Variants in BCAS3 observed in about 807,000 individuals in gnomAD.
The protein encoded by BCAS3 is BCAS4/BCAS3 fusion.
Under a neutral mutation model 116.1 loss-of-function variants are expected in BCAS3, and 53 were observed. The ratio of observed to expected loss-of-function variants is 0.46; its 90% CI spans 0.37 to 0.57. The LOEUF is 0.57. BCAS3 is among the 20% of genes least tolerant of loss of function. BCAS3 has a pLI of 0.00. For missense variants in BCAS3, 917 were observed against 1,165.4 expected, an observed-to-expected ratio of 0.79 and a Z score of 3.10; for synonymous variants, 391 against 408.2, an observed-to-expected ratio of 0.96 and a Z score of 0.51.
rs545906022 is a variant in BCAS3, at chr17:61,369,384, C to T, written c.2593+890C>T. Among the ~76,000 whole-genome samples, 10 of 152,274 alleles carry T rather than the reference C, an allele frequency of 6.6e-5. No homozygotes were observed. The South Asian group carries it at 8.3e-4, about 13-fold the overall frequency. On this transcript the variant is annotated intron_variant, in intron 23 of 23. Coordinates refer to ENST00000407086, the MANE Select transcript of BCAS3 (RefSeq NM_017679.5). Reference sequence around the variant, plus strand: ...TCTGTCACTCTGCTGTGCACTGCTCCGTTCCCGTTCCACATGCCTCCCTGC... The same window carrying T: ...TCTGTCACTCTGCTGTGCACTGCTCTGTTCCCGTTCCACATGCCTCCCTGC...
At chr17:60,682,154 A>C (rs2033256325) in intron 2 of BCAS3, among the ~76,000 whole-genome samples, 1 of 152,226 alleles carries the variant, frequency 6.6e-6, no homozygotes, top group Non-Finnish European at 1.5e-5. Context: ...AGAGTGACAA[A>C]GGAGAATACA....
At position 60,709,338 on chromosome 17, in the gene BCAS3, G is replaced by GT. The variant is rs753724841; in HGVS notation, c.321+14dup. 5 of 1,432,346 alleles carry GT rather than the reference G, an allele frequency of 3.5e-6. No homozygotes were observed. In the Admixed American group the frequency reaches 8.7e-5, roughly 25 times the overall value. The allele number at this position is 1,432,346 out of a possible 1,614,324, so 88.7% of individuals were successfully genotyped here. A position where few individuals can be genotyped will look rare whatever the true frequency, so the allele number is the denominator to read the frequency against. The stretch of plus-strand genomic sequence containing the variant: ...CTGGAGCATCCCTGTAAGTACACAT[G>GT]TGGTTGAATACCTAAAACATACTTC... On this transcript the variant is annotated intron_variant, in intron 5 of 23. Transcript: ENST00000407086.
chr17:60,779,184 CACCCCCAAATAAA>C (rs2045568237), intron 6 of BCAS3, among the ~76,000 whole-genome samples: 1 of 151,976 alleles, frequency 6.6e-6, no homozygotes, highest in Non-Finnish European at 1.5e-5. Context: ...CTGCTCTCCC[CACCCCCAAATAAA>C]ACCCCCAAAA....
chr17:61,125,583 A>T (rs917975826), intron 22 of BCAS3, among the ~76,000 whole-genome samples: 1 of 152,198 alleles, frequency 6.6e-6, no homozygotes, highest in Admixed American at 6.5e-5. Flanking sequence ...TTGTGTAATT[A>T]TCAATAATCT....
intron 7 of BCAS3, among the ~76,000 whole-genome samples, chr17:60,836,102 T>C (rs2051350199): frequency 1.3e-5 from 2 of 152,130 alleles, no homozygotes; most frequent in Admixed American, 1.3e-4. Context: ...CCTGCCCGCA[T>C]ACATTTATAG....
intron 22 of BCAS3, among the ~76,000 whole-genome samples, chr17:61,340,997 G>A (rs941479807): frequency 2.6e-5 from 4 of 152,164 alleles, no homozygotes; most frequent in Non-Finnish European, 4.4e-5. Context: ...GGAGAAGGGC[G>A]CTGGAAGGGA....
At chr17:61,011,825 G>A (rs541549163) in intron 15 of BCAS3, among the ~76,000 whole-genome samples, 1 of 152,182 alleles carries the variant, frequency 6.6e-6, no homozygotes, top group African/African-American at 2.4e-5. Context: ...GGTCCTGGAA[G>A]AAAGGATTGT....
rs2065880603 is a variant in BCAS3, at chr17:61,021,591, G to T, written c.1637+5690G>T. 6.6e-6 allele frequency among the ~76,000 whole-genome samples: 1 copy of T among 152,104 alleles called. No individual in the cohort carries two copies. The highest frequency in any genetic ancestry group is 2.4e-5 in the African/African-American group (1 of 41,412). On this transcript the variant is annotated intron_variant, in intron 16 of 23. Transcript: ENST00000407086. This position sits in a 1 kb window ranked among gnomAD's most constrained non-coding sequence, Gnocchi z 4.6. ...ATTATAATCTTTTAATCCTTATCAT[G>T]TATGAGTTTCTACCAGTTCTTTGGT... is the stretch of plus-strand genomic sequence containing the variant.
rs1182475386 is a variant in BCAS3 at position 61,045,823 on chromosome 17, T to TTCTCTCTCTCTCTCTC, written c.2029+4943_2029+4958dup. On this transcript the variant is annotated intron_variant, in intron 19 of 23. Coordinates refer to ENST00000407086, the MANE Select transcript of BCAS3 (RefSeq NM_017679.5). ...AGAGTGAGTGAGACTTCATCTCTCTTTCTCTCTCTCTCTCTCTCTCTCTCT... is the reference window on the plus strand; with the variant it reads ...AGAGTGAGTGAGACTTCATCTCTCTTTCTCTCTCTCTCTCTCTCTCTCTCTCTCTCTCTCTCTCTCT... 7.3e-3 allele frequency among the ~76,000 whole-genome samples: 251 copies of TTCTCTCTCTCTCTCTC among 34,594 alleles called. 6 individuals are homozygous for TTCTCTCTCTCTCTCTC. The highest frequency in any genetic ancestry group is 0.022 in the African/African-American group (83 of 3,848). The allele number at this position is 34,594 out of a possible 152,430, so 22.7% of individuals were successfully genotyped here. A position where few individuals can be genotyped will look rare whatever the true frequency, so the allele number is the denominator to read the frequency against.
rs1247315466 is a variant in BCAS3, at chr17:61,282,904, C to T, written c.2426-85423C>T. Among the ~76,000 whole-genome samples the T allele has an allele frequency of 2.0e-5, 3 of 149,858 alleles. No homozygotes were observed. The highest frequency in any genetic ancestry group is 4.4e-5 in the Non-Finnish European group (3 of 67,842). On this transcript the variant is annotated intron_variant, in intron 22 of 23. Coordinates refer to ENST00000407086, the MANE Select transcript of BCAS3 (RefSeq NM_017679.5). This position sits in a 1 kb window ranked among gnomAD's most constrained non-coding sequence, Gnocchi z 5.9. ...GAGTTTTAGTGAAGGGGAGAAATCA[C>T]AGTAAAAATATATATTTTCAATATA...
intron 7 of BCAS3, among the ~76,000 whole-genome samples, chr17:60,814,302 T>TGCACGCGCGC (rs58998607): frequency 2.9e-5 from 4 of 138,752 alleles, no homozygotes; most frequent in Non-Finnish European, 6.2e-5. Flanking sequence ...TGTGTGTGTG[T>TGCACGCGCGC]GTGTGCGCGC....
At chr17:61,351,053 G>T (rs1602960639) in intron 22 of BCAS3, among the ~76,000 whole-genome samples, 2 of 152,186 alleles carry the variant, frequency 1.3e-5, no homozygotes, top group East Asian at 3.8e-4. Flanking sequence ...ACGTACTTCA[G>T]ATCTAAATAT....
rs2063702909 is a variant in BCAS3 at position 60,994,200 on chromosome 17, T to C, written c.1486+3965T>C. 6.6e-6 allele frequency among the ~76,000 whole-genome samples: 1 copy of C among 152,046 alleles called. No individual in the cohort carries two copies. The highest frequency in any genetic ancestry group is 6.5e-5 in the Admixed American group (1 of 15,274). On this transcript the variant is annotated intron_variant, in intron 15 of 23. Coordinates refer to ENST00000407086, the MANE Select transcript of BCAS3 (RefSeq NM_017679.5). The surrounding 1 kb of genome is among the most constrained non-coding windows in gnomAD (Gnocchi z 4.4). ...AATATATATCTTGAAGTATCTTGCA[T>C]TATTGAATATATTTTAAAATATTGT...
chr17:61,103,484 C>T (rs2074453980), intron 22 of BCAS3, among the ~76,000 whole-genome samples: 1 of 152,128 alleles, frequency 6.6e-6, no homozygotes. Context: ...TAAGTCTCCT[C>T]TTCTTAAAAA....
chr17:61,295,816 G>A (rs368583414), intron 22 of BCAS3, among the ~76,000 whole-genome samples: 3 of 151,898 alleles, frequency 2.0e-5, no homozygotes, highest in South Asian at 2.1e-4. Flanking sequence ...TTAGCTGGGC[G>A]TGGTGATGCA....
At chr17:60,918,259 T>A (rs965161802) in intron 12 of BCAS3, among the ~76,000 whole-genome samples, 4 of 152,186 alleles carry the variant, frequency 2.6e-5, no homozygotes, top group African/African-American at 9.7e-5. Flanking sequence ...GGAATAGTGA[T>A]GTTAAGCCTC....
In BCAS3 at chr17:61,201,094, TTAAGA is replaced by T. The variant is rs532804594; in HGVS notation, c.2425+116534_2425+116538del. ...AAATTAGGAGGTCTCTTTTAAAACA[TTAAGA>T]TAATGTTGAAATAAATACATTTTAA... On this transcript the variant is annotated intron_variant, in intron 22 of 23. Transcript: ENST00000407086. 1.1e-3 allele frequency among the ~76,000 whole-genome samples: 167 copies of T among 152,304 alleles called. 1 individual carries two copies. The highest frequency in any genetic ancestry group is 1.3e-3 in the Non-Finnish European group (90 of 68,022).
At chr17:61,255,523 T>C (rs2048712292) in intron 22 of BCAS3, among the ~76,000 whole-genome samples, 1 of 152,234 alleles carries the variant, frequency 6.6e-6, no homozygotes, top group Non-Finnish European at 1.5e-5. Context: ...CCCCTAAGTC[T>C]ATCCATCCTT....
At chr17:61,045,557 G>T (rs1164011148) in intron 19 of BCAS3, among the ~76,000 whole-genome samples, 2 of 150,102 alleles carry the variant, frequency 1.3e-5, no homozygotes, top group Non-Finnish European at 3.0e-5. Flanking sequence ...GCTCATGCCT[G>T]TAATCCCAGC....
Sources: allele counts gnomAD v4.1 joint callset (sites outside exome capture counted in the v4.1 genomes callset), GRCh38; gene constraint gnomAD v4.1.1; non-coding constraint Gnocchi (gnomAD v3.1); transcripts MANE v1.5; gene names NCBI Gene and HGNC (gene_info 2026-07-23, HGNC 2026-07-21).